Variants in IL1RN observed in about 807,000 individuals in gnomAD.
IL1RN encodes the protein interleukin-1 receptor antagonist protein.
IL1RN carries 10 observed loss-of-function variants against 13.7 expected under a neutral mutation model. That is an observed-to-expected ratio of 0.73 (90% CI 0.45 to 1.24). The LOEUF is 1.24. Among genes scored for constraint, IL1RN ranks in the 50% most tolerant of loss-of-function variants. The probability of loss-of-function intolerance (pLI) is 0.00; values close to 1 mark genes in which losing one functional copy is unlikely to be tolerated. For synonymous variants in IL1RN, 102 were observed against 82.7 expected (o/e 1.23, Z -1.27); for missense variants, 213 against 222.1 (o/e 0.96, Z 0.26).
upstream of IL1RN, among the ~76,000 whole-genome samples, chr2:113,126,871 G>A (rs565577086): frequency 1.1e-4 from 17 of 152,278 alleles, 1 homozygote; most frequent in East Asian, 2.3e-3. Flanking sequence ...TTATGTCATC[G>A]TCCCGAGACC....
upstream of IL1RN, chr2:113,107,452 G>A (rs941334303): frequency 6.6e-6 from 1 of 152,132 alleles, no homozygotes; most frequent in Non-Finnish European, 1.5e-5. Context: ...GGCCAGGCGT[G>A]GTGGCTCACG....
Position 113,120,065 on chromosome 2 carries a change from G to C in IL1RN, c.11-1G>C. On this transcript the variant is annotated splice_acceptor_variant, in intron 1 of 5. Transcript: ENST00000259206. LOFTEE classifies it high-confidence loss of function. ...ATGGGGTCCCACCACTTCCCTTACA[G>C]CTGACTTGTATGAAGAAGGAGGTGG... is the stretch of plus-strand genomic sequence containing the variant. 3 of 1,612,614 alleles carry C rather than the reference G, an allele frequency of 1.9e-6. No homozygotes were observed. The highest frequency in any genetic ancestry group is 2.5e-6 in the Non-Finnish European group (3 of 1,178,938).
chr2:113,099,788 G>A, the IL1RN span, among the ~76,000 whole-genome samples: 1 of 129,948 alleles, frequency 7.7e-6, no homozygotes, highest in African/African-American at 2.9e-5. Context: ...AGGCTGGAGT[G>A]CAGTGGCGGG....
At chr2:113,114,101 G>A (rs1686548086), upstream of IL1RN, among the ~76,000 whole-genome samples, 1 of 152,218 alleles carries the variant, frequency 6.6e-6, no homozygotes, top group Admixed American at 6.5e-5. Context: ...ACAGTGACAG[G>A]AAGTGCAGCC....
upstream of IL1RN, among the ~76,000 whole-genome samples, chr2:113,125,887 C>A (rs1409473282): frequency 3.3e-5 from 5 of 152,228 alleles, no homozygotes; most frequent in African/African-American, 1.2e-4. Context: ...CGACCTCCAT[C>A]TCCTGGGTTC....
chr2:113,129,736 G>T (rs552398984), intron 2 of IL1RN, 72 bp downstream of exon 2: 5 of 973,232 alleles, frequency 5.1e-6, no homozygotes, highest in Non-Finnish European at 8.4e-6. Context: ...CAGCAGCATG[G>T]CCTGCCTGCA....
At chr2:113,127,552 T>C, upstream of IL1RN, 5 of 1,572,738 alleles carry the variant, frequency 3.2e-6, no homozygotes, top group Non-Finnish European at 4.3e-6. Flanking sequence ...CTAGCTTGGG[T>C]GAGTGACTAT....
upstream of IL1RN, among the ~76,000 whole-genome samples, chr2:113,110,464 A>G (rs1267103847): frequency 6.6e-6 from 1 of 152,210 alleles, no homozygotes; most frequent in East Asian, 1.9e-4. Flanking sequence ...TGCAAGAGAC[A>G]AAGACATTCA....
upstream of IL1RN, among the ~76,000 whole-genome samples, chr2:113,105,694 C>A (rs77056384): frequency 0.012 from 1,834 of 152,310 alleles, 25 homozygotes; most frequent in Middle Eastern, 0.082. Context: ...ATGTTTACTA[C>A]CCCATATTCA....
At chr2:113,099,797 G>C in the IL1RN span, among the ~76,000 whole-genome samples, 6 of 126,408 alleles carry the variant, frequency 4.7e-5, no homozygotes, top group Admixed American at 3.4e-4. Context: ...TGCAGTGGCG[G>C]GATCTCGGCT....
At chr2:113,113,209 G>A (rs529302713), upstream of IL1RN, 14 of 152,266 alleles carry the variant, frequency 9.2e-5, no homozygotes, top group South Asian at 2.7e-3. Flanking sequence ...AGAAATTGTG[G>A]TATATACATA....
upstream of IL1RN, chr2:113,117,603 C>T (rs1573283604): frequency 1.5e-5 from 4 of 262,216 alleles, no homozygotes; most frequent in East Asian, 3.1e-4. Flanking sequence ...AGGATTAAGC[C>T]AACACATATG....
chr2:113,107,730 C>T (rs1380266318), upstream of IL1RN, among the ~76,000 whole-genome samples: 3 of 152,070 alleles, frequency 2.0e-5, no homozygotes, highest in Non-Finnish European at 4.4e-5. Context: ...GAGACTGCCT[C>T]AAAACCAAAC....
At chr2:113,106,714 G>A (rs1686392501), upstream of IL1RN, among the ~76,000 whole-genome samples, 1 of 152,212 alleles carries the variant, frequency 6.6e-6, no homozygotes, top group South Asian at 2.1e-4. Context: ...CAGGCATGAA[G>A]TGGTCCCAGT....
upstream of IL1RN, chr2:113,107,250 G>A (rs1686400706): frequency 6.6e-6 from 1 of 152,146 alleles, no homozygotes; most frequent in South Asian, 2.1e-4. Context: ...GATAAATGAA[G>A]AGAAATTCAC....
rs431726 is a variant in IL1RN, at chr2:113,131,429, T to G, written c.318+272T>G. 0.23 allele frequency among the ~76,000 whole-genome samples: 34,229 copies of G among 152,096 alleles called. 4,308 individuals are homozygous for G. Among genetic ancestry groups the G allele is most frequent in the Admixed American group, 0.28 (4,303 of 15,278 alleles). On this transcript the variant is annotated intron_variant, in intron 3 of 3. Coordinates refer to ENST00000409930, the MANE Select transcript of IL1RN (RefSeq NM_173842.3). Reference sequence around the variant, plus strand: ...TGGAGCTTCCTTACAGCATGGCGGCTGACTTCCAAAAGGGATTATTCCAAA... The same window carrying G: ...TGGAGCTTCCTTACAGCATGGCGGCGGACTTCCAAAAGGGATTATTCCAAA...
upstream of IL1RN, among the ~76,000 whole-genome samples, chr2:113,110,727 G>C (rs1041039324): frequency 1.3e-5 from 2 of 152,172 alleles, no homozygotes; most frequent in Non-Finnish European, 2.9e-5. Context: ...ATTCTTAAAG[G>C]GATAAAAACG....
intron 1 of IL1RN, among the ~76,000 whole-genome samples, chr2:113,119,063 A>C (rs1308756206): frequency 6.6e-6 from 1 of 152,150 alleles, no homozygotes; most frequent in Non-Finnish European, 1.5e-5. Flanking sequence ...AAGATAAATA[A>C]AATGAAATAA....
At chr2:113,107,165 A>C (rs1005558454), upstream of IL1RN, 1 of 152,228 alleles carries the variant, frequency 6.6e-6, no homozygotes, top group Non-Finnish European at 1.5e-5. Flanking sequence ...AATATTGAGG[A>C]GTTAATGTCT....
Sources: allele counts gnomAD v4.1 joint callset (sites outside exome capture counted in the v4.1 genomes callset), GRCh38; gene constraint gnomAD v4.1.1; transcripts MANE v1.5; gene names NCBI Gene and HGNC (gene_info 2026-07-23, HGNC 2026-07-21).